MYO15A: variants seen among roughly 807,000 people sequenced by gnomAD.
MYO15A encodes unconventional myosin-XV.
MYO15A carries 308 observed loss-of-function variants against 394.6 expected under a neutral mutation model. That is an observed-to-expected ratio of 0.78 (90% confidence interval 0.71 to 0.86). The LOEUF (loss-of-function observed/expected upper bound fraction) is 0.86, where lower values mean the gene tolerates loss of function less well. Ranked by LOEUF, MYO15A falls within the 40% of genes least tolerant of loss-of-function variation. The pLI is 0.00. For missense variants in MYO15A, 4,606 were observed against 4,799.1 expected (o/e 0.96, Z 1.19); for synonymous variants, 1,957 against 2,003.8 (o/e 0.98, Z 0.62).
rs374693221 is a variant in MYO15A at position 18,140,678 on chromosome 17, G to A, written c.5360+13G>A. 13 of 1,613,958 alleles carry A rather than the reference G, an allele frequency of 8.1e-6. 1 individual carries two copies. The highest frequency in any genetic ancestry group is 3.3e-4 in the Middle Eastern group (2 of 6,062). On this transcript the variant is annotated intron_variant, in intron 20 of 65. Coordinates refer to ENST00000647165, the MANE Select transcript of MYO15A (RefSeq NM_016239.4). The stretch of plus-strand genomic sequence containing the variant: ...AAAAGATGGAGAGGTGGGGTGGGGG[G>A]CAGGTGGGCGGAGCACCCAGCCTCA...
intron 7 of MYO15A, among the ~76,000 whole-genome samples, chr17:18,128,635 G>A (rs1184427782): frequency 6.6e-6 from 1 of 152,192 alleles, no homozygotes; most frequent in East Asian, 1.9e-4. Flanking sequence ...AGGTAGGCAG[G>A]GAAAGAAGTA....
At chr17:18,167,763 C>T in intron 62 of MYO15A, 40 bp downstream of exon 62, 1 of 1,599,814 alleles carries the variant, frequency 6.3e-7, no homozygotes, top group Non-Finnish European at 8.5e-7. Context: ...GGTGGACAGG[C>T]AACCCTGCCC....
At chr17:18,157,557 C>A (rs989842486) in intron 50 of MYO15A, 165 bp from the exon 51 acceptor site, 47 of 1,374,784 alleles carry the variant, frequency 3.4e-5, no homozygotes, top group Middle Eastern at 1.8e-4. Flanking sequence ...AAATCCCTTT[C>A]TTTCCCTGAG....
intron 25 of MYO15A, among the ~76,000 whole-genome samples, 179 bp downstream of exon 25, chr17:18,143,019 A>G (rs972239448): frequency 2.8e-4 from 42 of 152,118 alleles, no homozygotes; most frequent in African/African-American, 9.9e-4. Context: ...ACCCCTTGGG[A>G]TTGTGGAGAG....
chr17:18,114,505 G>A (rs1016831595), intron 1 of MYO15A, among the ~76,000 whole-genome samples: 1 of 152,018 alleles, frequency 6.6e-6, no homozygotes, highest in Admixed American at 6.6e-5. Context: ...ACCTGCCTTG[G>A]CCTCCCAGAG....
chr17:18,159,487 A>G, intron 54 of MYO15A, 119 bp from the exon 55 acceptor site: 1 of 1,477,292 alleles, frequency 6.8e-7, no homozygotes. Flanking sequence ...TTAAGAGAAT[A>G]GAAGCTCCCA....
At chr17:18,111,808 C>T (rs940112307) in intron 1 of MYO15A, among the ~76,000 whole-genome samples, 2 of 152,238 alleles carry the variant, frequency 1.3e-5, no homozygotes, top group African/African-American at 4.8e-5. Flanking sequence ...CAGCTCTCCG[C>T]TATCTCATGT....
At chr17:18,136,311 C>A in intron 13 of MYO15A, 106 bp from the exon 14 acceptor site, 1 of 1,370,782 alleles carries the variant, frequency 7.3e-7, no homozygotes, top group Non-Finnish European at 1.0e-6. Flanking sequence ...GTCACAACAT[C>A]CCTCCAGCCT....
rs917688920 is a variant in MYO15A at position 18,154,618 on chromosome 17, C to A, written c.8149-62C>A. 2.6e-6 allele frequency: 4 copies of A among 1,563,376 alleles called. No individual in the cohort carries two copies. In the African/African-American group the frequency reaches 4.1e-5, roughly 16 times the overall value. On this transcript the variant is annotated intron_variant, in intron 44 of 65. Coordinates refer to ENST00000647165, the MANE Select transcript of MYO15A (RefSeq NM_016239.4). Reference sequence around the variant, plus strand: ...ACATTGCCACTCACCCTAGTATAGTCCAGCCTGGGTCCCAGCTGGGGGAGT... The same window carrying A: ...ACATTGCCACTCACCCTAGTATAGTACAGCCTGGGTCCCAGCTGGGGGAGT...
chr17:18,152,486 CA>C (rs1373988100), intron 42 of MYO15A, among the ~76,000 whole-genome samples: 2 of 152,116 alleles, frequency 1.3e-5, no homozygotes, highest in Non-Finnish European at 2.9e-5. Context: ...TCACACAGCT[CA>C]AAAGTGTCAG....
intron 47 of MYO15A, among the ~76,000 whole-genome samples, chr17:18,155,739 C>A (rs1352654612): frequency 6.6e-6 from 1 of 152,214 alleles, no homozygotes; most frequent in African/African-American, 2.4e-5. Context: ...CCTGATGCAG[C>A]TGGGGAGGGA....
chr17:18,141,071 G>A lies in MYO15A; in HGVS notation c.5459G>A (p.Gly1820Glu). ...GTAATGGCACAATTACGCTATTCAG[G>A]GGTGCTGGAGACCGTGAGGATCCGC... ...DVVMAQLRYS[G>E]VLETVRIRKE... The change falls in exon 22 of 66, where the codon GGG (glycine) becomes GAG (glutamate). Residue 1820 changes from glycine (G) to glutamate (E), a missense_variant. By Grantham distance (98) the Gly-to-Glu change is moderately conservative. Transcript: ENST00000647165. 1 of 1,614,062 alleles carries A rather than the reference G, an allele frequency of 6.2e-7. No individual in the cohort carries two copies.
Position 18,127,128 on chromosome 17 carries a change from T to C in MYO15A, c.3995T>C (p.Leu1332Pro). 6.2e-7 allele frequency: 1 copy of C among 1,613,880 alleles called. No individual in the cohort carries two copies. Among genetic ancestry groups the C allele is most frequent in the Non-Finnish European group, 8.5e-7 (1 of 1,179,974 alleles). ...TEATKLILRY[L>P]AAMNQKREVM... ...GCCACCAAGCTGATTCTGCGCTACC[T>C]GGCCGCCATGAACCAGAAACGGGAG... Residue 1332 changes from leucine (L) to proline (P), a missense_variant, in exon 7 of 66, where the codon CTG becomes CCG. Transcript: ENST00000647165.
chr17:18,117,221 G>A lies in MYO15A; in HGVS notation c.-219-1361G>A, dbSNP rs1472451603. ...CTGACTGGCTCCAGGTGAATCTTGG[G>A]GAGGAGGAGCAGGAAGAAGAGGAAA... On this transcript the variant is annotated intron_variant, in intron 1 of 65. Coordinates refer to ENST00000647165, the MANE Select transcript of MYO15A (RefSeq NM_016239.4). The surrounding 1 kb of genome is among the most constrained non-coding windows in gnomAD (Gnocchi z 4.1). 1.3e-5 allele frequency among the ~76,000 whole-genome samples: 2 copies of A among 152,222 alleles called. No homozygotes were observed. Among genetic ancestry groups the A allele is most frequent in the Non-Finnish European group, 2.9e-5 (2 of 68,034 alleles).
rs778694044 is a variant in MYO15A at position 18,141,152 on chromosome 17, G to A, written c.5531+9G>A. The stretch of plus-strand genomic sequence containing the variant: ...CAGGGGTTCATCGACAGGTATCTTG[G>A]TTACGGTAGTTCCTGAGCTCTACAA... On this transcript the variant is annotated intron_variant, in intron 22 of 65. Transcript: ENST00000647165. 4 of 1,613,216 alleles carry A rather than the reference G, an allele frequency of 2.5e-6. No homozygotes were observed. Among genetic ancestry groups the A allele is most frequent in the Admixed American group, 1.7e-5 (1 of 59,998 alleles).
intron 1 of MYO15A, among the ~76,000 whole-genome samples, chr17:18,111,878 CG>C (rs2045726529): frequency 6.6e-6 from 1 of 152,200 alleles, no homozygotes; most frequent in African/African-American, 2.4e-5. Flanking sequence ...GAGACTCCAA[CG>C]CTGAGGCTGC....
chr17:18,161,598 T>A (rs982411395), intron 57 of MYO15A, 151 bp downstream of exon 57: 9 of 1,290,976 alleles, frequency 7.0e-6, no homozygotes, highest in Middle Eastern at 5.2e-4. Context: ...AAACATTTGT[T>A]AAGGTTTCAC....
At position 18,153,813 on chromosome 17, in the gene MYO15A, A is replaced by G; in HGVS notation, c.8005A>G (p.Thr2669Ala). 2.5e-6 allele frequency: 4 copies of G among 1,613,780 alleles called. No individual in the cohort carries two copies. Among genetic ancestry groups the G allele is most frequent in the South Asian group, 1.1e-5 (1 of 91,086 alleles). Residue 2669 changes from threonine to alanine, a missense_variant, in exon 43 of 66, where the codon ACG becomes GCG. Thr to Ala is a moderately conservative substitution (Grantham distance 58). Coordinates refer to ENST00000647165, the MANE Select transcript of MYO15A (RefSeq NM_016239.4). The surrounding 1 kb of genome is among the most constrained non-coding windows in gnomAD (Gnocchi z 4.1). ...ATCGCTGGAGCCCCCTGAGGAACTC[A>G]CGCAGACGCGGCTGCACCGCCTCAT... ...SRSLEPPEEL[T>A]QTRLHRLINP...
chr17:18,126,681 A>T, intron 5 of MYO15A, 110 bp from the exon 6 acceptor site: 1 of 1,290,480 alleles, frequency 7.7e-7, no homozygotes. Flanking sequence ...CAACAGGGTG[A>T]GGGGTGGGCA....
Sources: allele counts gnomAD v4.1 joint callset (sites outside exome capture counted in the v4.1 genomes callset), GRCh38; gene constraint gnomAD v4.1.1; non-coding constraint Gnocchi (gnomAD v3.1); transcripts MANE v1.5; gene names NCBI Gene and HGNC (gene_info 2026-07-23, HGNC 2026-07-21).